RRAGD: variants seen among roughly 807,000 people sequenced by gnomAD.
RRAGD encodes the protein ras-related GTP-binding protein D.
In RRAGD, 12 loss-of-function variants were observed where a neutral mutation model predicts 35.5. The ratio of observed to expected loss-of-function variants is 0.34; its 90% confidence interval spans 0.22 to 0.55. The LOEUF is 0.55. RRAGD is among the 20% of genes least tolerant of loss of function. The pLI is 0.91. For missense variants in RRAGD, 324 were observed against 490.1 expected, an observed-to-expected ratio of 0.66 and a Z score of 3.20; for synonymous variants, 155 against 178.9, an observed-to-expected ratio of 0.87 and a Z score of 1.07.
At chr6:89,387,699 T>C in intron 1 of RRAGD, 109 bp from the exon 2 acceptor site, 1 of 1,089,674 alleles carries the variant, frequency 9.2e-7, no homozygotes, top group Non-Finnish European at 1.3e-6. Context: ...ATGATGCCAC[T>C]CTTCCAAAGA....
At chr6:89,402,434 G>A (rs975495786) in intron 1 of RRAGD, among the ~76,000 whole-genome samples, 2 of 152,196 alleles carry the variant, frequency 1.3e-5, no homozygotes, top group Non-Finnish European at 2.9e-5. Context: ...GCGGGTCCCA[G>A]TATGGAATTA....
At chr6:89,374,661 C>T (rs1217240064) in intron 5 of RRAGD, among the ~76,000 whole-genome samples, 1 of 150,730 alleles carries the variant, frequency 6.6e-6, no homozygotes, top group Non-Finnish European at 1.5e-5. Flanking sequence ...ACCCGGGAGG[C>T]GGGGGTTGCA....
intron 1 of RRAGD, among the ~76,000 whole-genome samples, chr6:89,410,634 G>A (rs1299402916): frequency 6.6e-6 from 1 of 152,200 alleles, no homozygotes; most frequent in Non-Finnish European, 1.5e-5. Flanking sequence ...CTATGAAAAA[G>A]GGTGACTTGA....
chr6:89,380,105 C>T, intron 3 of RRAGD, 63 bp downstream of exon 3: 1 of 1,506,568 alleles, frequency 6.6e-7, no homozygotes, highest in Non-Finnish European at 9.2e-7. Context: ...CATGGTGACT[C>T]CGAACCCCAA....
chr6:89,387,742 A>T, intron 1 of RRAGD, 152 bp from the exon 2 acceptor site: 3 of 773,008 alleles, frequency 3.9e-6, no homozygotes, highest in Non-Finnish European at 6.3e-6. Context: ...TTAAACCCCA[A>T]GTCTTGCTGA....
Position 89,368,030 on chromosome 6 carries a change from T to G in RRAGD, c.*26A>C. 6.4e-7 allele frequency: 1 copy of G among 1,572,316 alleles called. No homozygotes were observed. On this transcript the variant is annotated 3_prime_UTR_variant, in exon 7 of 7. Coordinates refer to ENST00000369415, the MANE Select transcript of RRAGD (RefSeq NM_021244.5). ...AGCAGCCTCATGGATAAGGTCTGAT[T>G]TCAAAAGACATTCCTGAAACCTCAC...
chr6:89,398,210 A>G (rs2127895277), intron 1 of RRAGD, among the ~76,000 whole-genome samples: 1 of 152,272 alleles, frequency 6.6e-6, no homozygotes, highest in East Asian at 1.9e-4. Flanking sequence ...AGAGGGAGGA[A>G]GAAGTATGGG....
chr6:89,380,459 C>T (rs1441933554), intron 2 of RRAGD, 92 bp from the exon 3 acceptor site: 9 of 1,076,250 alleles, frequency 8.4e-6, no homozygotes, highest in East Asian at 2.6e-5. Context: ...GTGGCTGCAA[C>T]CCCCCGAAAT....
In RRAGD at chr6:89,379,286, C is replaced by T; in HGVS notation, c.697G>A (p.Val233Ile). 1 of 1,603,432 alleles carries T rather than the reference C, an allele frequency of 6.2e-7. No individual in the cohort carries two copies. Among genetic ancestry groups the T allele is most frequent in the Non-Finnish European group, 8.5e-7 (1 of 1,173,750 alleles). The stretch of plus-strand genomic sequence containing the variant: ...AGTTGTGGAATCAGTTTCTGAACAA[C>T]TTTGCTAAAAGCTTCAAATATTGAA... ...DHSIFEAFSKVVQKLIPQLPT... is the reference protein window; with the variant it reads ...DHSIFEAFSKIVQKLIPQLPT... The change falls in exon 4 of 7, where the codon GTT becomes ATT. Residue 233 changes from valine (V) to isoleucine (I), a missense_variant. Physicochemically the swap from Val to Ile is conservative, Grantham distance 29. This residue lies in a region of RRAGD where 152 missense variants were observed against 296.9 expected (regional missense o/e 0.51). Coordinates refer to ENST00000369415, the MANE Select transcript of RRAGD (RefSeq NM_021244.5).
chr6:89,404,607 G>A (rs994082403), intron 1 of RRAGD, among the ~76,000 whole-genome samples: 1 of 152,156 alleles, frequency 6.6e-6, no homozygotes, highest in African/African-American at 2.4e-5. Flanking sequence ...ACTATGGGGA[G>A]GGGTCATCAA....
chr6:89,382,400 A>AATATATATATATATATATATAATATATAT (rs1769058970), intron 2 of RRAGD, among the ~76,000 whole-genome samples: 1 of 130,892 alleles, frequency 7.6e-6, no homozygotes, highest in African/African-American at 3.2e-5. Flanking sequence ...TATCTCTAGA[A>AATATATATATATATATATATAATATATAT]ATATATATAT....
At chr6:89,380,498 G>A in intron 2 of RRAGD, 131 bp from the exon 3 acceptor site, 1 of 686,338 alleles carries the variant, frequency 1.5e-6, no homozygotes, top group Non-Finnish European at 2.4e-6. Flanking sequence ...TCAACAAGCT[G>A]GCTTCTTATA....
intron 6 of RRAGD, 46 bp downstream of exon 6, chr6:89,372,391 C>G: frequency 6.4e-7 from 1 of 1,557,222 alleles, no homozygotes; most frequent in Admixed American, 2.0e-5. Flanking sequence ...CAGTAGCAGT[C>G]TGATGCTTCT....
At chr6:89,407,255 G>T (rs560124353) in intron 1 of RRAGD, among the ~76,000 whole-genome samples, 32 of 152,036 alleles carry the variant, frequency 2.1e-4, no homozygotes, top group Non-Finnish European at 4.0e-4. Context: ...CATCACAAGA[G>T]AACTCTAAGG....
In RRAGD at chr6:89,379,213, T is replaced by C. The variant is rs1305990834; in HGVS notation, c.759+11A>G. 1 of 1,387,024 alleles carries C rather than the reference T, an allele frequency of 7.2e-7. No individual in the cohort carries two copies. The highest frequency in any genetic ancestry group is 1.2e-5 in the South Asian group (1 of 82,466). 85.9% of individuals were successfully genotyped at this position (1,387,024 alleles called of 1,614,324 possible). On this transcript the variant is annotated intron_variant, in intron 4 of 6. Transcript: ENST00000369415. Reference sequence around the variant, plus strand: ...CTACAAGTGACTCAAACAGGAATATTATTTACTTACTGAGATAAAGATGTT... The same window carrying C: ...CTACAAGTGACTCAAACAGGAATATCATTTACTTACTGAGATAAAGATGTT...
chr6:89,376,851 T>C (rs1380641426), intron 5 of RRAGD, among the ~76,000 whole-genome samples: 1 of 152,174 alleles, frequency 6.6e-6, no homozygotes, highest in East Asian at 1.9e-4. Context: ...AGTTTTTTCA[T>C]CTGTAAAGTG....
intron 6 of RRAGD, 26 bp from the exon 7 acceptor site, chr6:89,368,233 T>C (rs757704959): frequency 4.4e-6 from 7 of 1,601,150 alleles, no homozygotes; most frequent in Non-Finnish European, 4.3e-6. Context: ...AAAATATTTA[T>C]AAATGTCACG....
intron 1 of RRAGD, among the ~76,000 whole-genome samples, chr6:89,410,623 G>A (rs935401870): frequency 5.3e-5 from 8 of 152,154 alleles, no homozygotes; most frequent in Admixed American, 2.0e-4. Context: ...GAGAGAAAAC[G>A]CTATGAAAAA....
intron 6 of RRAGD, among the ~76,000 whole-genome samples, chr6:89,371,613 G>A (rs374817055): frequency 2.0e-5 from 3 of 152,196 alleles, no homozygotes; most frequent in African/African-American, 7.2e-5. Flanking sequence ...TTAATTTAAT[G>A]GGCTTATATT....
Sources: gnomAD v4.1 joint callset for allele counts (sites outside exome capture counted in the v4.1 genomes callset) on GRCh38, gnomAD v4.1.1 for gene constraint, gnomAD v4.1.1 regional missense constraint, MANE v1.5 for transcripts, NCBI Gene and HGNC (gene_info 2026-07-23, HGNC 2026-07-21) for gene names.